RBFOX1: variants seen among roughly 807,000 people sequenced by gnomAD.
RBFOX1 encodes RNA binding fox-1 homolog 1, also known as RNA binding protein fox-1 homolog 1.
Under a neutral mutation model 57.7 loss-of-function variants are expected in RBFOX1, and 8 were observed. That is an observed-to-expected ratio of 0.14 (90% CI 0.08 to 0.25). The LOEUF (loss-of-function observed/expected upper bound fraction) is 0.25. Ranked by LOEUF, RBFOX1 falls within the 10% of genes least tolerant of loss-of-function variation. The pLI, the probability that RBFOX1 is intolerant of heterozygous loss-of-function variation, is 1.00. For missense variants in RBFOX1, 611 were observed against 548.5 expected, an observed-to-expected ratio of 1.11 and a Z score of -1.14; for synonymous variants, 326 against 222.4, an observed-to-expected ratio of 1.47 and a Z score of -4.15.
chr16:6,652,528 C>A (rs570944694), intron 2 of RBFOX1, among the ~76,000 whole-genome samples: 1 of 151,952 alleles, frequency 6.6e-6, no homozygotes, highest in East Asian at 1.9e-4. Context: ...TGTGAGGCAC[C>A]ATGAGAAGGA....
intron 2 of RBFOX1, among the ~76,000 whole-genome samples, chr16:6,444,590 T>C (rs1185411719): frequency 6.6e-6 from 1 of 152,162 alleles, no homozygotes; most frequent in Admixed American, 6.5e-5. Flanking sequence ...CTGCCATGAT[T>C]GTGAGGCCTC....
At chr16:7,472,026 A>G (rs950792904) in intron 4 of RBFOX1, among the ~76,000 whole-genome samples, 1 of 152,232 alleles carries the variant, frequency 6.6e-6, no homozygotes, top group African/African-American at 2.4e-5. Context: ...TGGTGAACAC[A>G]CTTTAGTATA....
At chr16:5,895,054 G>A (rs959240238) in intron 4 of RBFOX1, among the ~76,000 whole-genome samples, 35 of 151,708 alleles carry the variant, frequency 2.3e-4, no homozygotes, top group African/African-American at 8.3e-4. Flanking sequence ...TTACAGAAGG[G>A]GGTATTACAC....
chr16:7,065,997 C>CA lies in RBFOX1; in HGVS notation c.27+13908dup, dbSNP rs369569262. On this transcript the variant is annotated intron_variant, in intron 4 of 15. Coordinates refer to ENST00000550418, the MANE Select transcript of RBFOX1 (RefSeq NM_018723.4). ...CCAGAGAATAACAAATAAATAACAA[C>CA]AAAAAAAAACTATTACCAATTGAAA... 1.6e-3 allele frequency among the ~76,000 whole-genome samples: 236 copies of CA among 152,006 alleles called. 2 individuals carry two copies. The highest frequency in any genetic ancestry group is 0.014 in the Middle Eastern group (4 of 294).
chr16:6,467,021 T>C (rs1274885965), intron 2 of RBFOX1, among the ~76,000 whole-genome samples: 1 of 151,168 alleles, frequency 6.6e-6, no homozygotes, highest in Non-Finnish European at 1.5e-5. Context: ...TATAATAAAG[T>C]TTATTTAATA....
intron 3 of RBFOX1, among the ~76,000 whole-genome samples, chr16:5,706,840 G>A (rs1400477443): frequency 1.3e-5 from 2 of 152,026 alleles, no homozygotes; most frequent in African/African-American, 4.8e-5. Context: ...GGGCAAGAGG[G>A]CATGGCTTTT....
At chr16:6,225,427 A>T (rs1233545799) in intron 1 of RBFOX1, among the ~76,000 whole-genome samples, 36 of 152,192 alleles carry the variant, frequency 2.4e-4, no homozygotes, top group Admixed American at 2.3e-3. Context: ...TTGAATCAAG[A>T]TCAACCCTAT....
rs1249897798 is a variant in RBFOX1 at position 6,562,494 on chromosome 16, T to A, written c.-63-92109T>A. On this transcript the variant is annotated intron_variant, in intron 2 of 15. Coordinates refer to ENST00000550418, the MANE Select transcript of RBFOX1 (RefSeq NM_018723.4). ...CATACAGGAGGTATATGTAGCAGGA[T>A]TAGCAAGGGTGACTCAGTCCAGGTT... is the stretch of plus-strand genomic sequence containing the variant. 3.3e-5 allele frequency among the ~76,000 whole-genome samples: 5 copies of A among 152,348 alleles called. No individual in the cohort carries two copies. The South Asian group carries it at 1.0e-3, about 32-fold the overall frequency.
intron 4 of RBFOX1, among the ~76,000 whole-genome samples, chr16:7,125,898 C>A (rs958349299): frequency 7.9e-5 from 12 of 152,220 alleles, no homozygotes; most frequent in Non-Finnish European, 1.6e-4. Flanking sequence ...TCCTGGCCAA[C>A]ATGGCAAAAC....
At chr16:6,082,477 A>C (rs748288446) in intron 1 of RBFOX1, among the ~76,000 whole-genome samples, 3 of 146,202 alleles carry the variant, frequency 2.1e-5, no homozygotes, top group Non-Finnish European at 4.4e-5. Flanking sequence ...CCTCCAGTGC[A>C]TTTTAGGCAC....
At chr16:6,404,055 C>T (rs1567201982) in intron 2 of RBFOX1, among the ~76,000 whole-genome samples, 3 of 152,124 alleles carry the variant, frequency 2.0e-5, no homozygotes, top group East Asian at 1.9e-4. Context: ...GTTTAACTCA[C>T]CTAGCCTATA....
chr16:5,822,032 C>A (rs1383435282), intron 3 of RBFOX1, among the ~76,000 whole-genome samples: 2 of 152,172 alleles, frequency 1.3e-5, no homozygotes, highest in Admixed American at 1.3e-4. Context: ...AAGATCTATC[C>A]TTTTAGCAAA....
At chr16:6,104,158 C>CAA (rs1434485267) in intron 1 of RBFOX1, among the ~76,000 whole-genome samples, 1 of 151,800 alleles carries the variant, frequency 6.6e-6, no homozygotes, top group Non-Finnish European at 1.5e-5. Context: ...CACACACACA[C>CAA]AATATTATTT....
At chr16:6,290,991 T>C (rs1321581312) in intron 1 of RBFOX1, among the ~76,000 whole-genome samples, 4 of 152,172 alleles carry the variant, frequency 2.6e-5, no homozygotes, top group Non-Finnish European at 5.9e-5. Context: ...TATTTCTTGA[T>C]GATATGCCAA....
At chr16:6,786,576 A>G (rs1169048026) in intron 3 of RBFOX1, among the ~76,000 whole-genome samples, 1 of 152,136 alleles carries the variant, frequency 6.6e-6, no homozygotes, top group African/African-American at 2.4e-5. Context: ...CCTCTCCAAA[A>G]ATTAATAATA....
At chr16:5,846,807 AG>A (rs539333716) in intron 3 of RBFOX1, among the ~76,000 whole-genome samples, 128 of 152,370 alleles carry the variant, frequency 8.4e-4, no homozygotes, top group African/African-American at 3.0e-3. Flanking sequence ...GGCTCCAGGA[AG>A]CCCCTCAAAT....
At chr16:7,674,170 T>C (rs935164672) in intron 13 of RBFOX1, among the ~76,000 whole-genome samples, 5 of 152,088 alleles carry the variant, frequency 3.3e-5, no homozygotes, top group African/African-American at 1.2e-4. Flanking sequence ...AGAAGAAAAA[T>C]AGCAAAGGAA....
intron 3 of RBFOX1, among the ~76,000 whole-genome samples, chr16:6,971,016 G>T (rs2085411766): frequency 6.6e-6 from 1 of 152,152 alleles, no homozygotes; most frequent in Non-Finnish European, 1.5e-5. Context: ...TCCTTCAACA[G>T]ATATTTCTTG....
At chr16:7,041,900 T>G (rs78649953) in intron 3 of RBFOX1, among the ~76,000 whole-genome samples, 14,659 of 152,196 alleles carry the variant, frequency 0.096, 1,157 homozygotes, top group East Asian at 0.32. Context: ...ATTAGACACT[T>G]TGCAGGTACC....
Sources: gnomAD v4.1 joint callset for allele counts (sites outside exome capture counted in the v4.1 genomes callset) on GRCh38, gnomAD v4.1.1 for gene constraint, MANE v1.5 for transcripts, NCBI Gene and HGNC (gene_info 2026-07-23, HGNC 2026-07-21) for gene names.